Variants in PCCB observed in about 807,000 individuals in gnomAD.
PCCB encodes the protein propionyl-CoA carboxylase beta chain, mitochondrial.
PCCB carries 43 observed loss-of-function variants against 60.7 expected under a neutral mutation model. That is an observed-to-expected ratio of 0.71 (90% CI 0.55 to 0.91). PCCB has a LOEUF of 0.91. Ranked by LOEUF, PCCB falls within the 40% of genes least tolerant of loss-of-function variation. PCCB has a pLI of 0.00. For missense variants in PCCB, 766 were observed against 702.8 expected, an observed-to-expected ratio of 1.09 and a Z score of -1.02; for synonymous variants, 276 against 255.9, an observed-to-expected ratio of 1.08 and a Z score of -0.75.
Position 136,283,080 on chromosome 3 carries a change from T to G in PCCB, c.544-757T>G, listed in dbSNP as rs146332734. 1.7e-4 allele frequency among the ~76,000 whole-genome samples: 26 copies of G among 152,340 alleles called. No homozygotes were observed. In the East Asian group the frequency reaches 2.7e-3, roughly 16 times the overall value. The stretch of plus-strand genomic sequence containing the variant: ...GATTACATTTTGCACTGTCCTTAGC[T>G]GTGTATAGATTGGGCTTAGAGCCAA... On this transcript the variant is annotated intron_variant, in intron 5 of 14. Transcript: ENST00000251654.
chr3:136,298,653 G>A (rs987566744), intron 8 of PCCB, among the ~76,000 whole-genome samples: 2 of 152,142 alleles, frequency 1.3e-5, no homozygotes, highest in Non-Finnish European at 2.9e-5. Flanking sequence ...CTGGCCATCT[G>A]GTGAAGACCT....
At chr3:136,283,592 T>G (rs1034938404) in intron 5 of PCCB, among the ~76,000 whole-genome samples, 4 of 152,136 alleles carry the variant, frequency 2.6e-5, no homozygotes, top group African/African-American at 9.7e-5. Context: ...AGGGAACTGC[T>G]GCCCAGGAGG....
At chr3:136,285,240 G>C (rs73863333) in intron 6 of PCCB, among the ~76,000 whole-genome samples, 13,009 of 152,122 alleles carry the variant, frequency 0.086, 1,835 homozygotes, top group African/African-American at 0.29. Flanking sequence ...ACGAAGGGAG[G>C]TGTGGGATCA....
chr3:136,317,147 C>A, intron 10 of PCCB, 83 bp downstream of exon 10: 1 of 1,437,712 alleles, frequency 7.0e-7, no homozygotes, highest in African/African-American at 1.4e-5. Flanking sequence ...CTGTCTTTTG[C>A]CTGTTCTTCA....
intron 1 of PCCB, 48 bp from the exon 2 acceptor site, chr3:136,255,808 C>T (rs749801497): frequency 1.9e-6 from 3 of 1,557,812 alleles, no homozygotes; most frequent in Non-Finnish European, 2.7e-6. Context: ...GCTTTGCTTA[C>T]TAAATTGTCT....
At chr3:136,258,153 GT>G (rs1941725806) in intron 3 of PCCB, among the ~76,000 whole-genome samples, 1 of 152,162 alleles carries the variant, frequency 6.6e-6, no homozygotes, top group Non-Finnish European at 1.5e-5. Flanking sequence ...GAACAAAGAT[GT>G]TTTCTGGACA....
At chr3:136,252,056 A>G (rs1358239483) in intron 1 of PCCB, among the ~76,000 whole-genome samples, 1 of 150,170 alleles carries the variant, frequency 6.7e-6, no homozygotes, top group Non-Finnish European at 1.5e-5. Context: ...TTTTTTTTGT[A>G]TTTTTAGCAG....
intron 6 of PCCB, among the ~76,000 whole-genome samples, chr3:136,289,171 G>C (rs972429134): frequency 2.0e-5 from 3 of 152,150 alleles, no homozygotes; most frequent in Non-Finnish European, 4.4e-5. Flanking sequence ...TGGTGTTACT[G>C]AGTTCATCTA....
intron 8 of PCCB, among the ~76,000 whole-genome samples, chr3:136,299,442 A>G (rs1486718965): frequency 2.0e-5 from 3 of 151,992 alleles, no homozygotes; most frequent in South Asian, 2.1e-4. Flanking sequence ...TTATGTATAT[A>G]TGCATATGTA....
chr3:136,256,683 T>C (rs1187916620), intron 3 of PCCB, 60 bp downstream of exon 3: 5 of 1,183,564 alleles, frequency 4.2e-6, no homozygotes, highest in South Asian at 3.6e-5. Flanking sequence ...GAGGAAAATA[T>C]GTGAAAGAAG....
At chr3:136,310,011 T>A (rs530585360) in intron 9 of PCCB, among the ~76,000 whole-genome samples, 1 of 151,786 alleles carries the variant, frequency 6.6e-6, no homozygotes, top group Non-Finnish European at 1.5e-5. Flanking sequence ...ACGGGAGGAT[T>A]GTTTGAGCCC....
At chr3:136,268,186 T>C (rs1560002693) in intron 5 of PCCB, among the ~76,000 whole-genome samples, 1 of 146,912 alleles carries the variant, frequency 6.8e-6, no homozygotes, top group Non-Finnish European at 1.5e-5. Flanking sequence ...AGCTTTCTTA[T>C]AGTAGGTCTG....
intron 9 of PCCB, among the ~76,000 whole-genome samples, chr3:136,315,338 A>C (rs921072543): frequency 6.6e-6 from 1 of 151,342 alleles, no homozygotes; most frequent in Non-Finnish European, 1.5e-5. Context: ...GATCGAGACT[A>C]TTCTGACCAA....
At position 136,265,179 on chromosome 3, in the gene PCCB, C is replaced by T. The variant is rs376237339; in HGVS notation, c.543+3114C>T. On this transcript the variant is annotated intron_variant, in intron 5 of 14. Coordinates refer to ENST00000251654, the MANE Select transcript of PCCB (RefSeq NM_000532.5). Reference sequence around the variant, plus strand: ...CTGCACTCCAGCCTGGGTGACAGAGCGAGACTCCATCTCAAAAAAGAAAAG... The same window carrying T: ...CTGCACTCCAGCCTGGGTGACAGAGTGAGACTCCATCTCAAAAAAGAAAAG... Among the ~76,000 whole-genome samples the T allele has an allele frequency of 2.2e-4, 34 of 152,218 alleles. No individual in the cohort carries two copies. The South Asian group carries it at 3.1e-3, about 14-fold the overall frequency.
At chr3:136,296,175 A>G (rs993337704) in intron 7 of PCCB, among the ~76,000 whole-genome samples, 1 of 152,236 alleles carries the variant, frequency 6.6e-6, no homozygotes, top group African/African-American at 2.4e-5. Context: ...ATACATTCAG[A>G]GTTGGATAAT....
chr3:136,319,726 A>G (rs1418781979), intron 10 of PCCB, among the ~76,000 whole-genome samples: 2 of 151,956 alleles, frequency 1.3e-5, no homozygotes, highest in Admixed American at 1.3e-4. Flanking sequence ...ATTAAATCTG[A>G]TTTCTGTATT....
At position 136,315,276 on chromosome 3, in the gene PCCB, G is replaced by A. The variant is rs551198439; in HGVS notation, c.967-1665G>A. On this transcript the variant is annotated intron_variant, in intron 9 of 14. Coordinates refer to ENST00000251654, the MANE Select transcript of PCCB (RefSeq NM_000532.5). ...ATAGTGGCCGGGCGCGGTGGCTCAC[G>A]CCTGTAATCCCAGCACTTTGGGAGG... Among the ~76,000 whole-genome samples the A allele has an allele frequency of 1.5e-4, 23 of 152,272 alleles. No homozygotes were observed. The East Asian group carries it at 3.9e-3, about 26-fold the overall frequency.
chr3:136,301,261 T>C, intron 9 of PCCB, 150 bp downstream of exon 9: 1 of 711,148 alleles, frequency 1.4e-6, no homozygotes, highest in Non-Finnish European at 2.6e-6. Context: ...CAGTGGCCAC[T>C]GAGTAGTGTG....
At chr3:136,292,578 C>T (rs1162146673) in intron 6 of PCCB, among the ~76,000 whole-genome samples, 3 of 152,130 alleles carry the variant, frequency 2.0e-5, no homozygotes, top group African/African-American at 7.2e-5. Flanking sequence ...TCCTACTATA[C>T]TGATATGGAA....
Sources: gnomAD v4.1 joint callset for allele counts (sites outside exome capture counted in the v4.1 genomes callset) on GRCh38, gnomAD v4.1.1 for gene constraint, MANE v1.5 for transcripts, NCBI Gene and HGNC (gene_info 2026-07-23, HGNC 2026-07-21) for gene names.